ADH6: variants seen among roughly 807,000 people sequenced by gnomAD.
The protein encoded by ADH6 is alcohol dehydrogenase 6.
Under a neutral mutation model 36.5 loss-of-function variants are expected in ADH6, and 34 were observed. The ratio of observed to expected loss-of-function variants is 0.93; its 90% CI spans 0.71 to 1.24. The LOEUF is 1.24. Ranked by LOEUF, ADH6 falls within the 50% of genes most tolerant of loss-of-function variation. The pLI, the probability that ADH6 is intolerant of heterozygous loss-of-function variation, is 0.00. For synonymous variants in ADH6, 161 were observed against 155.5 expected (o/e 1.04, Z -0.26); for missense variants, 440 against 447.0 (o/e 0.98, Z 0.14).
At position 99,208,663 on chromosome 4, in the gene ADH6, C is replaced by T. The variant is rs1341503508; in HGVS notation, c.828+5G>A. On this transcript the variant is annotated splice_donor_5th_base_variant and intron_variant, in intron 6 of 8. Coordinates refer to ENST00000394899, the MANE Select transcript of ADH6 (RefSeq NM_001102470.2). The stretch of plus-strand genomic sequence containing the variant: ...TGGTAATTTTCACTCCAGAGGATTA[C>T]ATACCAGAACGTCCAGATTTCCAAT... The T allele has an allele frequency of 2.5e-6, 4 of 1,610,854 alleles. No individual in the cohort carries two copies. Among genetic ancestry groups the T allele is most frequent in the Non-Finnish European group, 3.4e-6 (4 of 1,178,440 alleles).
At position 99,213,614 on chromosome 4, in the gene ADH6, A is replaced by C; in HGVS notation, c.254T>G (p.Val85Gly). 6.2e-7 allele frequency: 1 copy of C among 1,603,016 alleles called. No individual in the cohort carries two copies. Among genetic ancestry groups the C allele is most frequent in the Non-Finnish European group, 8.5e-7 (1 of 1,176,802 alleles). The change falls in exon 3 of 9, where the codon GTG becomes GGG. Residue 85 changes from valine to glycine, a missense_variant. By Grantham distance (109) the Val-to-Gly change is moderately radical. Transcript: ENST00000394899. ...VESIGEGVST[V>G]KPGDKVITLF... Reference sequence around the variant, plus strand: ...CAGGTGCTAATTCCTACCTGGTTTCACTGTGCTTACTCCTTCTCCAATACT... The same window carrying C: ...CAGGTGCTAATTCCTACCTGGTTTCCCTGTGCTTACTCCTTCTCCAATACT...
In ADH6 at chr4:99,210,235, T is replaced by C. The variant is rs1731175016; in HGVS notation, c.414A>G (p.Ile138Met). Residue 138 changes from isoleucine (I) to methionine (M), a missense_variant, in exon 5 of 9, where the codon ATA becomes ATG. Coordinates refer to ENST00000394899, the MANE Select transcript of ADH6 (RefSeq NM_001102470.2). Reference sequence around the variant, plus strand: ...AGGTGCTGGTATTACCAAAGTGATATATTGATTTTCCCTTGCAGGTAAACC... The same window carrying C: ...AGGTGCTGGTATTACCAAAGTGATACATTGATTTTCCCTTGCAGGTAAACC... ...TSRFTCKGKS[I>M]YHFGNTSTFC... The C allele has an allele frequency of 1.2e-6, 2 of 1,613,682 alleles. No individual in the cohort carries two copies.
chr4:99,208,441 C>G, intron 6 of ADH6: 1 of 429,910 alleles, frequency 2.3e-6, no homozygotes, highest in South Asian at 6.7e-5. Context: ...TTAATCTTAT[C>G]TTGCTTAAAA....
In ADH6 at chr4:99,203,081, TG is replaced by T. The variant is rs1730911839; in HGVS notation, c.*1137del. ...CCAGTGTTAAATCAGGAAACTATTT[TG>T]TTTAGATCAAAAAATGATATTCCAT... On this transcript the variant is annotated 3_prime_UTR_variant, in exon 9 of 9. Transcript: ENST00000394899. The T allele has an allele frequency of 3.1e-6, 1 of 325,576 alleles. No individual in the cohort carries two copies. The highest frequency in any genetic ancestry group is 5.6e-6 in the Non-Finnish European group (1 of 180,114). The allele number at this position is 325,576 out of a possible 1,614,324, so 20.2% of individuals were successfully genotyped here.
In ADH6 at chr4:99,202,944, G is replaced by A. The variant is rs1730906967; in HGVS notation, c.*1275C>T. 2 of 395,352 alleles carry A rather than the reference G, an allele frequency of 5.1e-6. No individual in the cohort carries two copies. Among genetic ancestry groups the A allele is most frequent in the East Asian group, 7.1e-5 (2 of 27,998 alleles). The allele number at this position is 395,352 out of a possible 1,614,324, so 24.5% of individuals were successfully genotyped here. A position where few individuals can be genotyped will look rare whatever the true frequency, so the allele number is the denominator to read the frequency against. On this transcript the variant is annotated 3_prime_UTR_variant, in exon 9 of 9. Coordinates refer to ENST00000394899, the MANE Select transcript of ADH6 (RefSeq NM_001102470.2). ...TATTTGAAGGAAGCAGGCCCCTAAA[G>A]GGAAACACAGGATGCCCAACTCATA...
rs931367461 is a variant in ADH6, at chr4:99,202,897, G to T, written c.*1322C>A. On this transcript the variant is annotated 3_prime_UTR_variant, in exon 9 of 9. Transcript: ENST00000394899. ...GCCATCCCAAGTCCAGAGTGAATAGGTTTCATAGCACCCATCTCCTCTATT... is the reference window on the plus strand; with the variant it reads ...GCCATCCCAAGTCCAGAGTGAATAGTTTTCATAGCACCCATCTCCTCTATT... 2.8e-5 allele frequency: 11 copies of T among 396,614 alleles called. No homozygotes were observed. Among genetic ancestry groups the T allele is most frequent in the African/African-American group, 2.3e-4 (11 of 48,632 alleles). The allele number at this position is 396,614 out of a possible 1,614,324, so 24.6% of individuals were successfully genotyped here.
At chr4:99,217,027 T>C (rs1161008125) in intron 1 of ADH6, among the ~76,000 whole-genome samples, 1 of 152,030 alleles carries the variant, frequency 6.6e-6, no homozygotes, top group Non-Finnish European at 1.5e-5. Context: ...TTATTGTATG[T>C]TTGTACTTTA....
At position 99,204,713 on chromosome 4, in the gene ADH6, A is replaced by G. The variant is rs1050201146; in HGVS notation, c.1103+212T>C. On this transcript the variant is annotated intron_variant, in intron 8 of 8. Transcript: ENST00000394899. ...TAATGGCAAAAGTAACGGTAGGTGA[A>G]CACTTAAATACTTTCAGGATTATGT... 7.2e-6 allele frequency: 9 copies of G among 1,258,036 alleles called. No individual in the cohort carries two copies. The Admixed American group carries it at 3.6e-4, about 51-fold the overall frequency. The allele number at this position is 1,258,036 out of a possible 1,614,324, so 77.9% of individuals were successfully genotyped here.
chr4:99,215,114 A>G (rs1301526473), intron 2 of ADH6, among the ~76,000 whole-genome samples: 2 of 152,100 alleles, frequency 1.3e-5, no homozygotes, highest in Non-Finnish European at 2.9e-5. Flanking sequence ...TAATGGTTGA[A>G]TGTCTTTGAG....
chr4:99,208,766 G>T lies in ADH6; in HGVS notation c.730C>A (p.Pro244Thr). 1.2e-6 allele frequency: 2 copies of T among 1,613,704 alleles called. No homozygotes were observed. Among genetic ancestry groups the T allele is most frequent in the Non-Finnish European group, 1.7e-6 (2 of 1,179,772 alleles). The stretch of plus-strand genomic sequence containing the variant: ...TGAATGGGTTTCTTTAAGTCCTGAG[G>T]GTTGAGGCACTCAGTAGCACCCAAT... ...QELGATECLNPQDLKKPIQEV... is the reference protein window; with the variant it reads ...QELGATECLNTQDLKKPIQEV... Residue 244 changes from proline to threonine, a missense_variant, in exon 6 of 9, where the codon CCT becomes ACT. Physicochemically the swap from Pro to Thr is conservative, Grantham distance 38. Transcript: ENST00000394899.
At chr4:99,207,220 T>C (rs1394401147) in intron 7 of ADH6, among the ~76,000 whole-genome samples, 1 of 151,996 alleles carries the variant, frequency 6.6e-6, no homozygotes, top group Admixed American at 6.6e-5. Context: ...TCTTTACCAA[T>C]CAATTAAGAA....
At position 99,203,060 on chromosome 4, in the gene ADH6, T is replaced by C. The variant is rs1011300840; in HGVS notation, c.*1159A>G. 1.7e-5 allele frequency: 6 copies of C among 363,000 alleles called. No homozygotes were observed. In the Middle Eastern group the frequency reaches 2.1e-3, roughly 130 times the overall value. The allele number at this position is 363,000 out of a possible 1,614,324, so 22.5% of individuals were successfully genotyped here. The stretch of plus-strand genomic sequence containing the variant: ...GGGTGCAGCCCACCTTCCTGGCCAG[T>C]GTTAAATCAGGAAACTATTTTGTTT... On this transcript the variant is annotated 3_prime_UTR_variant, in exon 9 of 9. Coordinates refer to ENST00000394899, the MANE Select transcript of ADH6 (RefSeq NM_001102470.2).
intron 7 of ADH6, among the ~76,000 whole-genome samples, chr4:99,206,262 T>C (rs1017943684): frequency 4.6e-5 from 7 of 152,252 alleles, no homozygotes; most frequent in Non-Finnish European, 8.8e-5. Context: ...ACCTGTTAAA[T>C]GCTATTGTTG....
At chr4:99,204,719 A>AC in intron 8 of ADH6, 1 of 1,272,466 alleles carries the variant, frequency 7.9e-7, no homozygotes, top group Non-Finnish European at 9.9e-7. Flanking sequence ...GTGAACACTT[A>AC]AATACTTTCA....
intron 5 of ADH6, among the ~76,000 whole-genome samples, chr4:99,209,332 A>G (rs148556035): frequency 1.3e-4 from 20 of 151,952 alleles, no homozygotes; most frequent in Middle Eastern, 3.4e-3. Context: ...TAAATTTTTC[A>G]TAACTTATCG....
intron 2 of ADH6, among the ~76,000 whole-genome samples, chr4:99,215,493 G>A (rs571872890): frequency 6.6e-6 from 1 of 152,144 alleles, no homozygotes; most frequent in Non-Finnish European, 1.5e-5. Flanking sequence ...CTGGAGATGG[G>A]ACTTGGTTAT....
intron 7 of ADH6, among the ~76,000 whole-genome samples, chr4:99,205,360 A>G (rs768495979): frequency 1.3e-5 from 2 of 152,098 alleles, no homozygotes; most frequent in African/African-American, 2.4e-5. Flanking sequence ...CAGTGAATCT[A>G]TATCTAATGT....
chr4:99,217,327 C>T (rs140966648), intron 1 of ADH6, among the ~76,000 whole-genome samples: 13 of 152,300 alleles, frequency 8.5e-5, no homozygotes, highest in Admixed American at 2.6e-4. Flanking sequence ...TGAGCCACCA[C>T]GCCCGGCCAT....
rs555825746 is a variant in ADH6, at chr4:99,212,732, CAT to C, written c.262+872_262+873del. The stretch of plus-strand genomic sequence containing the variant: ...GCATTCATATATATATATACACACA[CAT>C]ATATGTGTATATATATATTTCTTTA... On this transcript the variant is annotated intron_variant, in intron 3 of 8. Transcript: ENST00000394899. 4.8e-3 allele frequency among the ~76,000 whole-genome samples: 725 copies of C among 151,784 alleles called. 3 individuals are homozygous for C. Among genetic ancestry groups the C allele is most frequent in the African/African-American group, 0.016 (672 of 41,458 alleles).
Sources: allele counts gnomAD v4.1 joint callset (sites outside exome capture counted in the v4.1 genomes callset), GRCh38; gene constraint gnomAD v4.1.1; transcripts MANE v1.5; gene names NCBI Gene and HGNC (gene_info 2026-07-23, HGNC 2026-07-21).